Variants in ZSCAN25 observed in about 807,000 individuals in gnomAD.
ZSCAN25 encodes the protein zinc finger and SCAN domain-containing protein 25.
ZSCAN25 carries 27 observed loss-of-function variants against 38.7 expected under a neutral mutation model. The ratio of observed to expected loss-of-function variants is 0.70; its 90% CI spans 0.51 to 0.96. The LOEUF is 0.96. Among genes scored for constraint, ZSCAN25 ranks in the 40% least tolerant of loss-of-function variants. The probability of loss-of-function intolerance (pLI) is 0.00; values close to 1 mark genes in which losing one functional copy is unlikely to be tolerated. For synonymous variants in ZSCAN25, 273 were observed against 277.7 expected (o/e 0.98, Z 0.17); for missense variants, 637 against 705.9 (o/e 0.90, Z 1.11).
At chr7:99,657,097 A>G in the ZSCAN25 span, among the ~76,000 whole-genome samples, 1 of 151,740 alleles carries the variant, frequency 6.6e-6, no homozygotes, top group Admixed American at 6.6e-5. Flanking sequence ...TTCTGCTCTG[A>G]TCTTAGTTAT....
the ZSCAN25 span, among the ~76,000 whole-genome samples, chr7:99,680,482 T>C: frequency 3.3e-5 from 5 of 152,198 alleles, no homozygotes; most frequent in Non-Finnish European, 5.9e-5. Flanking sequence ...CCTATTGTCC[T>C]CTTTTCTCTC....
the ZSCAN25 span, chr7:99,695,771 A>C: frequency 1.7e-4 from 277 of 1,612,818 alleles, 1 homozygote; most frequent in Middle Eastern, 3.3e-4. Flanking sequence ...AGTAGTTCCC[A>C]AAAAAAGCAG....
At chr7:99,695,865 C>A in the ZSCAN25 span, 144 of 1,603,612 alleles carry the variant, frequency 9.0e-5, no homozygotes, top group South Asian at 1.3e-3. Flanking sequence ...GAAATCAGGT[C>A]TCAGGGATTG....
the ZSCAN25 span, among the ~76,000 whole-genome samples, chr7:99,646,190 T>C: frequency 2.0e-5 from 3 of 152,228 alleles, no homozygotes. Context: ...TGAATCCATA[T>C]ATTGCTTTGG....
chr7:99,680,009 A>G, the ZSCAN25 span: 1 of 884,182 alleles, frequency 1.1e-6, no homozygotes, highest in South Asian at 1.4e-5. Flanking sequence ...TCTTCAGCCA[A>G]GCTGCTGAAA....
chr7:99,717,617 A>G, the ZSCAN25 span: 1 of 1,613,610 alleles, frequency 6.2e-7, no homozygotes. Flanking sequence ...GGCATTTTTC[A>G]TAAATCCCAC....
chr7:99,710,802 T>C, the ZSCAN25 span: 9 of 1,613,782 alleles, frequency 5.6e-6, no homozygotes, highest in Non-Finnish European at 6.8e-6. Flanking sequence ...GGCCAGTTCA[T>C]ATATAATGAA....
chr7:99,702,174 A>G, the ZSCAN25 span, among the ~76,000 whole-genome samples: 13 of 148,032 alleles, frequency 8.8e-5, no homozygotes, highest in Admixed American at 3.4e-4. Context: ...ACTGCCACCT[A>G]TGCCTCATGG....
the ZSCAN25 span, chr7:99,675,977 G>T: frequency 1.4e-6 from 1 of 693,058 alleles, no homozygotes; most frequent in Non-Finnish European, 2.4e-6. Context: ...TTACAGGCAT[G>T]ATCCACTGCA....
the ZSCAN25 span, among the ~76,000 whole-genome samples, chr7:99,725,398 G>T: frequency 6.6e-6 from 1 of 152,214 alleles, no homozygotes; most frequent in African/African-American, 2.4e-5. Flanking sequence ...AGGCGGCCAA[G>T]TGACAATGCA....
At chr7:99,684,870 T>G in the ZSCAN25 span, 3 of 272,688 alleles carry the variant, frequency 1.1e-5, no homozygotes, top group Non-Finnish European at 2.1e-5. Flanking sequence ...TGGTGCTAAC[T>G]AGGGGTGGCT....
the ZSCAN25 span, among the ~76,000 whole-genome samples, chr7:99,728,004 C>T: frequency 6.6e-6 from 1 of 152,226 alleles, no homozygotes; most frequent in Non-Finnish European, 1.5e-5. Context: ...TTGCTCAAGG[C>T]AACAATTATG....
intron 7 of ZSCAN25, among the ~76,000 whole-genome samples, chr7:99,627,571 G>A (rs763266867): frequency 6.6e-6 from 1 of 152,084 alleles, no homozygotes; most frequent in African/African-American, 2.4e-5. Flanking sequence ...AGTAGAAGAA[G>A]CCAGAAACAA....
At chr7:99,721,738 G>T in the ZSCAN25 span, among the ~76,000 whole-genome samples, 1 of 142,502 alleles carries the variant, frequency 7.0e-6, no homozygotes, top group Non-Finnish European at 1.5e-5. Context: ...CCAAAATTAT[G>T]ACACGTGTGT....
At chr7:99,663,012 G>A in the ZSCAN25 span, 23 of 1,449,322 alleles carry the variant, frequency 1.6e-5, no homozygotes, top group Non-Finnish European at 2.1e-5. Context: ...TTGAAGACGT[G>A]TTACCTGAGT....
At chr7:99,662,785 C>A in the ZSCAN25 span, 1 of 1,597,546 alleles carries the variant, frequency 6.3e-7, no homozygotes, top group Non-Finnish European at 8.6e-7. The surrounding 1 kb of genome is among the most constrained non-coding windows in gnomAD (Gnocchi z 4.3). Context: ...AGTGTCCCCG[C>A]CAGTAGCCCT....
At chr7:99,707,483 G>A in the ZSCAN25 span, among the ~76,000 whole-genome samples, 28 of 152,240 alleles carry the variant, frequency 1.8e-4, no homozygotes, top group Admixed American at 3.3e-4. Context: ...GTCAAAACAA[G>A]ATAATAAGTG....
chr7:99,650,397 T>C, the ZSCAN25 span, among the ~76,000 whole-genome samples: 4 of 152,222 alleles, frequency 2.6e-5, no homozygotes, highest in Non-Finnish European at 4.4e-5. Context: ...TATTTCGTTA[T>C]AATCATCATA....
the ZSCAN25 span, chr7:99,700,024 A>G: frequency 1.2e-6 from 2 of 1,610,270 alleles, no homozygotes; most frequent in South Asian, 2.2e-5. Flanking sequence ...CAAATTTGGG[A>G]TGAGGTCCAT....
Sources: gnomAD v4.1 joint callset for allele counts (sites outside exome capture counted in the v4.1 genomes callset) on GRCh38, gnomAD v4.1.1 for gene constraint, Gnocchi (gnomAD v3.1) non-coding constraint, MANE v1.5 for transcripts, NCBI Gene and HGNC (gene_info 2026-07-23, HGNC 2026-07-21) for gene names.